The following PCDH15 variants were observed in gnomAD, a reference collection of about 807,000 sequenced individuals.
PCDH15 encodes the protein protocadherin-15.
A neutral mutation model predicts 178.5 loss-of-function variants in PCDH15; 129 were observed. The observed-to-expected ratio is 0.72, with a 90% CI of 0.63 to 0.84. The LOEUF is 0.84. Ranked by LOEUF, PCDH15 falls within the 40% of genes least tolerant of loss-of-function variation. PCDH15 has a pLI of 0.00. For synonymous variants in PCDH15, 800 were observed against 732.0 expected (o/e 1.09, Z -1.50); for missense variants, 2,230 against 2,099.9 (o/e 1.06, Z -1.21).
chr10:54,693,923 C>CT (rs986634193), intron 1 of PCDH15, among the ~76,000 whole-genome samples: 16 of 151,994 alleles, frequency 1.1e-4, no homozygotes, highest in Admixed American at 9.2e-4. Context: ...TAGTGTAGTT[C>CT]TTTTTTTCTC....
intron 2 of PCDH15, among the ~76,000 whole-genome samples, chr10:55,325,062 A>T (rs1444198658): frequency 6.6e-6 from 1 of 152,128 alleles, no homozygotes; most frequent in Non-Finnish European, 1.5e-5. Flanking sequence ...TTACTCAAAA[A>T]AATAGGAAAT....
At chr10:54,835,821 T>C (rs1953306632) in intron 3 of PCDH15, among the ~76,000 whole-genome samples, 1 of 152,172 alleles carries the variant, frequency 6.6e-6, no homozygotes, top group African/African-American at 2.4e-5. Flanking sequence ...AGATTATAGA[T>C]TCTTTCTCTC....
intron 4 of PCDH15, among the ~76,000 whole-genome samples, chr10:54,375,847 T>A (rs1357670601): frequency 7.7e-6 from 1 of 129,690 alleles, no homozygotes; most frequent in African/African-American, 3.3e-5. Context: ...TATATATATA[T>A]AATATATAAA....
At chr10:53,860,658 G>C (rs188964564) in intron 27 of PCDH15, among the ~76,000 whole-genome samples, 2 of 150,616 alleles carry the variant, frequency 1.3e-5, no homozygotes, top group Non-Finnish European at 3.0e-5. Flanking sequence ...TTGAACCTGG[G>C]AGGCAGAGGT....
At chr10:55,218,104 T>C (rs558019592) in intron 1 of PCDH15, among the ~76,000 whole-genome samples, 1 of 152,134 alleles carries the variant, frequency 6.6e-6, no homozygotes, top group East Asian at 1.9e-4. Flanking sequence ...TCAGTATTTC[T>C]AGTCCTCACA....
chr10:54,745,712 T>C (rs1034369990), intron 1 of PCDH15, among the ~76,000 whole-genome samples: 1 of 152,136 alleles, frequency 6.6e-6, no homozygotes, highest in Non-Finnish European at 1.5e-5. Flanking sequence ...TAAAACTCAC[T>C]GATTCAGAAA....
At chr10:54,217,080 A>G (rs1463694969) in intron 9 of PCDH15, among the ~76,000 whole-genome samples, 2 of 152,214 alleles carry the variant, frequency 1.3e-5, no homozygotes, top group African/African-American at 2.4e-5. Context: ...AGACTGTAAC[A>G]TAAAAAATTG....
chr10:54,965,579 G>T (rs1838764426), intron 2 of PCDH15, among the ~76,000 whole-genome samples: 1 of 146,390 alleles, frequency 6.8e-6, no homozygotes, highest in Non-Finnish European at 1.5e-5. Context: ...GGACTAATAT[G>T]CATAGTATGG....
intron 3 of PCDH15, among the ~76,000 whole-genome samples, chr10:54,462,495 CTTTTTCTTTTTCTTTTCT>C (rs2077232463): frequency 2.6e-5 from 2 of 76,398 alleles, no homozygotes; most frequent in Middle Eastern, 8.6e-3. Context: ...CTTTTCTTTT[CTTTTTCTTTTTCTTTTCT>C]TTTTTTTTTT....
intron 27 of PCDH15, among the ~76,000 whole-genome samples, chr10:53,857,996 TATC>T: frequency 6.6e-6 from 1 of 152,192 alleles, no homozygotes; most frequent in Admixed American, 6.5e-5. Flanking sequence ...TTGTTATTAA[TATC>T]ATTTCGATTT....
chr10:54,398,652 G>C (rs114557130), intron 3 of PCDH15, among the ~76,000 whole-genome samples: 2,657 of 151,862 alleles, frequency 0.017, 75 homozygotes, highest in African/African-American at 0.059. Flanking sequence ...TCTTATTCTT[G>C]TGCAACCTGG....
chr10:55,606,499 C>T (rs1183532113), intron 2 of PCDH15, among the ~76,000 whole-genome samples: 1 of 148,836 alleles, frequency 6.7e-6, no homozygotes, highest in Non-Finnish European at 1.5e-5. Context: ...TCAAACTATA[C>T]TACAAGGCTA....
chr10:54,971,342 C>T (rs1838925648), intron 2 of PCDH15, among the ~76,000 whole-genome samples: 1 of 152,032 alleles, frequency 6.6e-6, no homozygotes, highest in South Asian at 2.1e-4. Flanking sequence ...CCTTCCATCC[C>T]TTCTACCATG....
At position 54,586,198 on chromosome 10, in the gene PCDH15, T is replaced by C. The variant is rs1291823256; in HGVS notation, c.92-58321A>G. Among the ~76,000 whole-genome samples the C allele has an allele frequency of 3.3e-5, 5 of 152,272 alleles. No homozygotes were observed. In the South Asian group the frequency reaches 1.0e-3, roughly 32 times the overall value. On this transcript the variant is annotated intron_variant, in intron 2 of 37. Transcript: ENST00000644397. ...AGGGAAAGTGGAGTAAATTTTTAAA[T>C]TTTTCTGAAAATAGATTTTGACAGA...
chr10:55,337,356 T>TCGAGAATA (rs1844422490), intron 2 of PCDH15, among the ~76,000 whole-genome samples: 1 of 152,048 alleles, frequency 6.6e-6, no homozygotes, highest in Non-Finnish European at 1.5e-5. Context: ...ATACCCAGGG[T>TCGAGAATA]CGAGAATATA....
chr10:54,602,593 A>C lies in PCDH15; in HGVS notation c.91+61579T>G, dbSNP rs565656002. On this transcript the variant is annotated intron_variant, in intron 2 of 37. Coordinates refer to ENST00000644397, the MANE Select transcript of PCDH15 (RefSeq NM_001384140.1). The stretch of plus-strand genomic sequence containing the variant: ...TTTCCCCATTGATTATTATGTTATC[A>C]GTGGGCTTTTCTTATATGGCTATTA... 1.2e-4 allele frequency among the ~76,000 whole-genome samples: 18 copies of C among 152,114 alleles called. No homozygotes were observed. In the East Asian group the frequency reaches 3.3e-3, roughly 28 times the overall value.
At chr10:54,383,627 T>TGTGTGTGTGTGTGTGTGTGTGTG (rs1589141516) in intron 3 of PCDH15, among the ~76,000 whole-genome samples, 1 of 104,764 alleles carries the variant, frequency 9.5e-6, no homozygotes, top group Admixed American at 9.1e-5. Context: ...GTATGTGTGT[T>TGTGTGTGTGTGTGTGTGTGTGTG]TTTGTGTGTG....
chr10:54,619,641 C>T (rs2093292267), intron 2 of PCDH15, among the ~76,000 whole-genome samples: 1 of 151,938 alleles, frequency 6.6e-6, no homozygotes. Context: ...ATAAGATGTG[C>T]TCACTTTGCA....
In PCDH15 at chr10:55,246,592, C is replaced by A. The variant is rs1200566007; in HGVS notation, c.-156+73007G>T. On this transcript the variant is annotated intron_variant, in intron 1 of 5. Transcript: ENST00000458638. The stretch of plus-strand genomic sequence containing the variant: ...AATTTAGGAAACTTTTGTTTCTAAT[C>A]TAACTGTATTATGTAAGAAAAGAAA... Among the ~76,000 whole-genome samples, 14 of 152,216 alleles carry A rather than the reference C, an allele frequency of 9.2e-5. No individual in the cohort carries two copies. In the East Asian group the frequency reaches 2.5e-3, roughly 27 times the overall value.
Sources: gnomAD v4.1 joint callset for allele counts (sites outside exome capture counted in the v4.1 genomes callset) on GRCh38, gnomAD v4.1.1 for gene constraint, MANE v1.5 for transcripts, NCBI Gene and HGNC (gene_info 2026-07-23, HGNC 2026-07-21) for gene names.